The following MEGF11 variants were observed in gnomAD, a reference collection of about 807,000 sequenced individuals.
MEGF11 encodes the protein multiple EGF like domains 11, also known as multiple epidermal growth factor-like domains protein 11.
Under a neutral mutation model 146.6 loss-of-function variants are expected in MEGF11, and 126 were observed. The observed-to-expected ratio is 0.86, with a 90% CI of 0.74 to 1.00. The LOEUF (loss-of-function observed/expected upper bound fraction) is 1.00, where lower values mean the gene tolerates loss of function less well. Among genes scored for constraint, MEGF11 ranks in the 50% least tolerant of loss-of-function variants. The probability of loss-of-function intolerance (pLI) is 0.00; values close to 1 mark genes in which losing one functional copy is unlikely to be tolerated. For synonymous variants in MEGF11, 532 were observed against 583.4 expected, an observed-to-expected ratio of 0.91 and a Z score of 1.27; for missense variants, 1,509 against 1,521.2, an observed-to-expected ratio of 0.99 and a Z score of 0.13.
Position 66,130,195 on chromosome 15 carries a change from C to T in MEGF11, c.-8-1784G>A, listed in dbSNP as rs144519750. On this transcript the variant is annotated intron_variant, in intron 1 of 25. Transcript: ENST00000395614. ...ACCTAGAGCAGAGAAAGAGCCTGCC[C>T]GGGACATGGCATTGAGCTATGCGGA... Among the ~76,000 whole-genome samples, 143 of 152,314 alleles carry T rather than the reference C, an allele frequency of 9.4e-4. 1 individual carries two copies. The highest frequency in any genetic ancestry group is 2.5e-3 in the African/African-American group (105 of 41,552).
chr15:66,131,611 CCTCTGGAGGGCATT>C (rs1380875356), intron 1 of MEGF11, among the ~76,000 whole-genome samples: 1 of 152,162 alleles, frequency 6.6e-6, no homozygotes, highest in Non-Finnish European at 1.5e-5. Flanking sequence ...AGCATGGGCA[CCTCTGGAGGGCATT>C]CTCTACAGCT....
chr15:66,136,521 C>T (rs1476880203), intron 1 of MEGF11, among the ~76,000 whole-genome samples: 1 of 152,178 alleles, frequency 6.6e-6, no homozygotes, highest in Non-Finnish European at 1.5e-5. Flanking sequence ...AGAACCTTCC[C>T]GACCGACCTA....
chr15:66,069,648 T>C (rs1328530287), intron 5 of MEGF11, among the ~76,000 whole-genome samples: 1 of 152,222 alleles, frequency 6.6e-6, no homozygotes, highest in Non-Finnish European at 1.5e-5. Context: ...CCCAGACTGC[T>C]ACTGCTTCTA....
chr15:66,154,077 G>A (rs2089663534), intron 1 of MEGF11, among the ~76,000 whole-genome samples: 1 of 152,198 alleles, frequency 6.6e-6, no homozygotes, highest in East Asian at 1.9e-4. Context: ...CTTCTCCAAA[G>A]ACAGGCAAAA....
rs376529810 is a variant in MEGF11, at chr15:65,908,564, G to A, written c.2998+470C>T. Among the ~76,000 whole-genome samples, 21 of 152,302 alleles carry A rather than the reference G, an allele frequency of 1.4e-4. 2 individuals are homozygous for A. The highest frequency in any genetic ancestry group is 5.1e-4 in the African/African-American group (21 of 41,564). ...CCCCAGCCTCTCCAGATCCCTGTTT[G>A]ACAACCCTACCCTGTGATTTGAGAA... On this transcript the variant is annotated intron_variant, in intron 23 of 25. Transcript: ENST00000395614.
intron 24 of MEGF11, chr15:65,901,781 T>C (rs1020632829): frequency 3.3e-5 from 5 of 152,258 alleles, no homozygotes; most frequent in African/African-American, 1.2e-4. Context: ...GTAGCACGTA[T>C]AGTCTTCATT....
At chr15:66,101,653 A>G (rs1318242870) in intron 4 of MEGF11, among the ~76,000 whole-genome samples, 1 of 152,198 alleles carries the variant, frequency 6.6e-6, no homozygotes, top group Non-Finnish European at 1.5e-5. Context: ...TGTTCAATAA[A>G]TATTAATACA....
intron 5 of MEGF11, among the ~76,000 whole-genome samples, chr15:66,083,714 G>C (rs961922736): frequency 6.6e-6 from 1 of 151,880 alleles, no homozygotes; most frequent in Non-Finnish European, 1.5e-5. Flanking sequence ...AGGAGTTTGA[G>C]AACAGCCTGG....
intron 5 of MEGF11, among the ~76,000 whole-genome samples, chr15:66,010,655 G>A (rs945246254): frequency 2.0e-5 from 3 of 152,126 alleles, no homozygotes; most frequent in South Asian, 2.1e-4. Context: ...CCAAGCTGGC[G>A]AATAATTTAT....
chr15:66,248,562 C>G (rs543930697), intron 1 of MEGF11, among the ~76,000 whole-genome samples: 1 of 152,198 alleles, frequency 6.6e-6, no homozygotes, highest in East Asian at 1.9e-4. Context: ...GGATATATTC[C>G]CTGAAGGCAT....
chr15:66,054,016 C>T (rs2084571854), intron 5 of MEGF11, among the ~76,000 whole-genome samples: 1 of 152,024 alleles, frequency 6.6e-6, no homozygotes. Flanking sequence ...AGCCACCATG[C>T]CCGGCCTCCC....
At chr15:66,082,466 A>ACT (rs771903283) in intron 5 of MEGF11, among the ~76,000 whole-genome samples, 43 of 72,638 alleles carry the variant, frequency 5.9e-4, no homozygotes, top group Non-Finnish European at 8.9e-4. Context: ...AAAAAAAAAA[A>ACT]ATCTATCTAT....
chr15:66,007,875 A>T (rs1436339889), intron 5 of MEGF11, among the ~76,000 whole-genome samples: 1 of 152,186 alleles, frequency 6.6e-6, no homozygotes, highest in Admixed American at 6.5e-5. Context: ...CTGTGCTGCT[A>T]GGGGGCAGTG....
intron 1 of MEGF11, among the ~76,000 whole-genome samples, chr15:66,182,151 A>T (rs1452285234): frequency 2.6e-5 from 4 of 152,194 alleles, no homozygotes; most frequent in Admixed American, 6.5e-5. Context: ...GGAAGGAGAT[A>T]GACATGCCTT....
At chr15:66,060,043 C>T (rs144037827) in intron 5 of MEGF11, among the ~76,000 whole-genome samples, 96 of 151,218 alleles carry the variant, frequency 6.3e-4, no homozygotes, top group Admixed American at 1.1e-3. Context: ...TGGGGGCAGG[C>T]GGGGAACCAA....
intron 5 of MEGF11, among the ~76,000 whole-genome samples, chr15:66,052,307 G>A (rs1281191848): frequency 6.6e-6 from 1 of 152,208 alleles, no homozygotes; most frequent in African/African-American, 2.4e-5. Context: ...TGATGATGGT[G>A]AGATGATGGC....
chr15:65,978,949 C>G (rs565227040), intron 7 of MEGF11, among the ~76,000 whole-genome samples: 1 of 149,026 alleles, frequency 6.7e-6, no homozygotes, highest in Non-Finnish European at 1.5e-5. Context: ...CAGTGGGATT[C>G]AAATCTCTTA....
At chr15:66,035,630 C>T (rs550730376) in intron 5 of MEGF11, among the ~76,000 whole-genome samples, 5 of 152,246 alleles carry the variant, frequency 3.3e-5, no homozygotes, top group Admixed American at 2.0e-4. Flanking sequence ...TTTATGATGA[C>T]GATGAAATGT....
At chr15:66,187,529 C>T (rs1210838284) in intron 1 of MEGF11, among the ~76,000 whole-genome samples, 2 of 152,200 alleles carry the variant, frequency 1.3e-5, no homozygotes, top group East Asian at 3.8e-4. Flanking sequence ...GGCTGCCCCT[C>T]ACACCCCCAC....
Sources: gnomAD v4.1 joint callset for allele counts (sites outside exome capture counted in the v4.1 genomes callset) on GRCh38, gnomAD v4.1.1 for gene constraint, MANE v1.5 for transcripts, NCBI Gene and HGNC (gene_info 2026-07-23, HGNC 2026-07-21) for gene names.